The following NTF3 variants were observed in gnomAD, a reference collection of about 807,000 sequenced individuals.
NTF3 encodes neurotrophin-3.
NTF3 carries 8 observed loss-of-function variants against 26.3 expected under a neutral mutation model. The ratio of observed to expected loss-of-function variants is 0.30; its 90% CI spans 0.18 to 0.55. NTF3 has a LOEUF of 0.55. Among genes scored for constraint, NTF3 ranks in the 20% least tolerant of loss-of-function variants. NTF3 has a pLI of 0.93. For missense variants in NTF3, 276 were observed against 352.9 expected, an observed-to-expected ratio of 0.78 and a Z score of 1.75; for synonymous variants, 154 against 145.5, an observed-to-expected ratio of 1.06 and a Z score of -0.42.
chr12:5,439,281 C>T (rs1168765743), intron 1 of NTF3, among the ~76,000 whole-genome samples: 2 of 152,168 alleles, frequency 1.3e-5, no homozygotes, highest in Non-Finnish European at 2.9e-5. Context: ...TATCTCAGTA[C>T]TCAAAATAAT....
At chr12:5,482,115 A>T (rs1234187635) in intron 1 of NTF3, among the ~76,000 whole-genome samples, 1 of 152,010 alleles carries the variant, frequency 6.6e-6, no homozygotes, top group East Asian at 1.9e-4. Flanking sequence ...GAGACATACA[A>T]TGCACACTCA....
intron 1 of NTF3, among the ~76,000 whole-genome samples, chr12:5,436,863 T>C (rs1180220063): frequency 1.3e-5 from 2 of 152,170 alleles, no homozygotes; most frequent in African/African-American, 4.8e-5. Flanking sequence ...GGAAAGGTAG[T>C]CTAAGAATCA....
intron 1 of NTF3, among the ~76,000 whole-genome samples, chr12:5,435,964 G>A (rs1057334747): frequency 2.0e-5 from 3 of 152,158 alleles, no homozygotes; most frequent in Admixed American, 6.5e-5. Flanking sequence ...GGAATTCTGT[G>A]TGTCTGGGGA....
At position 5,463,870 on chromosome 12, in the gene NTF3, A is replaced by G. The variant is rs569247069; in HGVS notation, c.19-30324A>G. ...TCTCTGGGCCTCAGTTTTCATATCTATGAAATTAGGAGGTTGAATTATGTC... is the reference window on the plus strand; with the variant it reads ...TCTCTGGGCCTCAGTTTTCATATCTGTGAAATTAGGAGGTTGAATTATGTC... On this transcript the variant is annotated intron_variant, in intron 1 of 1. Coordinates refer to ENST00000423158, the MANE Select transcript of NTF3 (RefSeq NM_001102654.2). Among the ~76,000 whole-genome samples, 6 of 152,352 alleles carry G rather than the reference A, an allele frequency of 3.9e-5. No homozygotes were observed. In the East Asian group the frequency reaches 7.7e-4, roughly 20 times the overall value.
intron 1 of NTF3, among the ~76,000 whole-genome samples, chr12:5,443,777 T>C (rs1253789989): frequency 6.6e-6 from 1 of 152,210 alleles, no homozygotes; most frequent in Non-Finnish European, 1.5e-5. Context: ...TCTGTCTTTC[T>C]TAGCATTTAA....
intron 1 of NTF3, among the ~76,000 whole-genome samples, chr12:5,475,686 A>G (rs895256699): frequency 1.3e-5 from 2 of 151,926 alleles, no homozygotes; most frequent in Non-Finnish European, 2.9e-5. Flanking sequence ...AATACAAAAA[A>G]ATAGCTGGGC....
chr12:5,480,274 G>C (rs944050114), intron 1 of NTF3, among the ~76,000 whole-genome samples: 3 of 152,130 alleles, frequency 2.0e-5, no homozygotes, highest in Non-Finnish European at 4.4e-5. Flanking sequence ...GTTTGCATTC[G>C]CAACGGGAAC....
At chr12:5,470,140 G>A (rs1940646418) in intron 1 of NTF3, among the ~76,000 whole-genome samples, 1 of 152,162 alleles carries the variant, frequency 6.6e-6, no homozygotes, top group Non-Finnish European at 1.5e-5. Context: ...TAGCCATGAT[G>A]GTCTTGATCT....
At chr12:5,470,215 C>T (rs764711241) in intron 1 of NTF3, among the ~76,000 whole-genome samples, 1 of 152,152 alleles carries the variant, frequency 6.6e-6, no homozygotes, top group Non-Finnish European at 1.5e-5. Context: ...TGAGCCACTG[C>T]GCTCGGCCTC....
chr12:5,469,733 A>C (rs1940640943), intron 1 of NTF3, among the ~76,000 whole-genome samples: 1 of 152,180 alleles, frequency 6.6e-6, no homozygotes, highest in Admixed American at 6.5e-5. Context: ...AATTTTTGAA[A>C]TATGTATTTT....
At chr12:5,459,118 G>A (rs1940493108) in intron 1 of NTF3, among the ~76,000 whole-genome samples, 1 of 152,168 alleles carries the variant, frequency 6.6e-6, no homozygotes, top group African/African-American at 2.4e-5. Context: ...GGTGAGCACT[G>A]CAGTTGTGTT....
At chr12:5,467,347 T>C (rs1173438085) in intron 1 of NTF3, among the ~76,000 whole-genome samples, 1 of 151,554 alleles carries the variant, frequency 6.6e-6, no homozygotes, top group Non-Finnish European at 1.5e-5. Context: ...TCAGACCTCT[T>C]CTTCTGTCCT....
At chr12:5,452,699 G>C (rs56230559) in intron 1 of NTF3, among the ~76,000 whole-genome samples, 1 of 152,144 alleles carries the variant, frequency 6.6e-6, no homozygotes, top group South Asian at 2.1e-4. Context: ...ACAGGATAGC[G>C]GAAAGGCACA....
intron 1 of NTF3, among the ~76,000 whole-genome samples, chr12:5,445,332 G>GTC (rs1460227233): frequency 6.8e-6 from 1 of 146,610 alleles, no homozygotes; most frequent in Non-Finnish European, 1.5e-5. Context: ...GTGTGTGTGT[G>GTC]TGTGTTTAAA....
intron 1 of NTF3, among the ~76,000 whole-genome samples, chr12:5,441,173 C>T (rs746028337): frequency 1.3e-5 from 2 of 152,088 alleles, no homozygotes; most frequent in Admixed American, 6.5e-5. Context: ...GGGAAGTCCT[C>T]GAACCACACT....
chr12:5,468,115 T>G (rs1296294382), intron 1 of NTF3, among the ~76,000 whole-genome samples: 2 of 152,208 alleles, frequency 1.3e-5, no homozygotes, highest in Non-Finnish European at 2.9e-5. Flanking sequence ...AATCACAGTC[T>G]CTTCGATGCT....
chr12:5,452,919 A>C (rs989688391), intron 1 of NTF3, among the ~76,000 whole-genome samples: 1 of 151,992 alleles, frequency 6.6e-6, no homozygotes, highest in Non-Finnish European at 1.5e-5. Context: ...TGCACATCTC[A>C]TGTAGTGCAG....
intron 1 of NTF3, among the ~76,000 whole-genome samples, chr12:5,492,565 G>A (rs1229858747): frequency 6.6e-6 from 1 of 152,178 alleles, no homozygotes; most frequent in Non-Finnish European, 1.5e-5. Context: ...ATTTTCCTAG[G>A]ATAGTACAAT....
chr12:5,450,127 A>C, intron 1 of NTF3, among the ~76,000 whole-genome samples: 1 of 152,138 alleles, frequency 6.6e-6, no homozygotes, highest in African/African-American at 2.4e-5. Context: ...CAGTACCTTA[A>C]CTAATCTCTT....
Sources: allele counts gnomAD v4.1 joint callset (sites outside exome capture counted in the v4.1 genomes callset), GRCh38; gene constraint gnomAD v4.1.1; transcripts MANE v1.5; gene names NCBI Gene and HGNC (gene_info 2026-07-23, HGNC 2026-07-21).